The following DENND4B variants were observed in gnomAD, a reference collection of about 807,000 sequenced individuals.
DENND4B encodes the protein DENN domain-containing protein 4B.
DENND4B carries 67 observed loss-of-function variants against 161.0 expected under a neutral mutation model. The ratio of observed to expected loss-of-function variants is 0.42; its 90% CI spans 0.34 to 0.51. The LOEUF (loss-of-function observed/expected upper bound fraction) is 0.51, where lower values mean the gene tolerates loss of function less well. Ranked by LOEUF, DENND4B falls within the 20% of genes least tolerant of loss-of-function variation. The pLI, the probability that DENND4B is intolerant of heterozygous loss-of-function variation, is 0.08. For synonymous variants in DENND4B, 753 were observed against 813.8 expected, an observed-to-expected ratio of 0.93 and a Z score of 1.27; for missense variants, 1,481 against 1,968.0, an observed-to-expected ratio of 0.75 and a Z score of 4.68.
chr1:153,931,400 G>C (rs1008227524), intron 24 of DENND4B, among the ~76,000 whole-genome samples: 1 of 152,136 alleles, frequency 6.6e-6, no homozygotes, highest in South Asian at 2.1e-4. Context: ...AGGTGCTTAT[G>C]CCATTTTACA....
In DENND4B at chr1:153,933,653, G is replaced by A. The variant is rs1420000362; in HGVS notation, c.3160C>T (p.Arg1054Ter). 4 of 1,564,544 alleles carry A rather than the reference G, an allele frequency of 2.6e-6. No homozygotes were observed. The highest frequency in any genetic ancestry group is 2.6e-6 in the Non-Finnish European group (3 of 1,157,084). Residue 1054 changes from arginine to a stop codon, truncating the protein, a stop_gained, in exon 20 of 28, where the codon CGA (arginine) becomes TGA (stop). Transcript: ENST00000361217. LOFTEE classifies it high-confidence loss of function. This position sits in a 1 kb window ranked among gnomAD's most constrained non-coding sequence, Gnocchi z 5.7. ...GGRQDEAGTP[R>*]RGLGARLQQL... ...TGGAGGCGGGCACCCAGCCCTCGTC[G>A]GGGGGTGCCTGCCTCATCCTGTCGC...
chr1:153,943,992 C>T, intron 2 of DENND4B, 66 bp downstream of exon 2: 3 of 1,477,760 alleles, frequency 2.0e-6, no homozygotes, highest in Non-Finnish European at 2.7e-6. Context: ...CATAGTCCTA[C>T]CTCTCCCTGT....
rs758517326 is a variant in DENND4B at position 153,941,436 on chromosome 1, T to C, written c.1060A>G (p.Ile354Val). 9 of 1,611,680 alleles carry C rather than the reference T, an allele frequency of 5.6e-6. No individual in the cohort carries two copies. The highest frequency in any genetic ancestry group is 7.6e-6 in the Non-Finnish European group (9 of 1,179,344). ...GPHRLPLEAH[I>V]SHFIHNVPFP... ...GGAACGTTGTGAATGAAGTGGGAGA[T>C]GTGCCTGGGGGACAGAGAAACAGGT... is the stretch of plus-strand genomic sequence containing the variant. The change falls in exon 7 of 28, where the codon ATC becomes GTC. Residue 354 changes from isoleucine (I) to valine (V), a missense_variant. Physicochemically the swap from Ile to Val is conservative, Grantham distance 29. Around this residue, in one of 3 missense-constraint regions of DENND4B, gnomAD observed 806 missense variants for 1,134.4 expected, o/e 0.71. Transcript: ENST00000361217.
In DENND4B at chr1:153,936,019, T is replaced by G; in HGVS notation, c.2568+41A>C. On this transcript the variant is annotated intron_variant, in intron 17 of 27. Transcript: ENST00000361217. The surrounding 1 kb of genome is among the most constrained non-coding windows in gnomAD (Gnocchi z 4.1). ...AGCAGCAGCCTCCCCTCACACACCCTGGCACAGCTGCCATCCCACCCCTCA... is the reference window on the plus strand; with the variant it reads ...AGCAGCAGCCTCCCCTCACACACCCGGGCACAGCTGCCATCCCACCCCTCA... The G allele has an allele frequency of 1.2e-6, 2 of 1,609,012 alleles. No homozygotes were observed. The highest frequency in any genetic ancestry group is 1.7e-6 in the Non-Finnish European group (2 of 1,177,446).
Position 153,936,271 on chromosome 1 carries a change from C to T in DENND4B, c.2440-83G>A, listed in dbSNP as rs1679325470. On this transcript the variant is annotated intron_variant, in intron 16 of 27. Coordinates refer to ENST00000361217, the MANE Select transcript of DENND4B (RefSeq NM_014856.3). The surrounding 1 kb of genome is among the most constrained non-coding windows in gnomAD (Gnocchi z 4.1). ...TCAGCAAGCACCCTCTTCCTGCCTCCCCAATTCTCACAGACATCACTGGCC... is the reference window on the plus strand; with the variant it reads ...TCAGCAAGCACCCTCTTCCTGCCTCTCCAATTCTCACAGACATCACTGGCC... 4.6e-6 allele frequency: 7 copies of T among 1,514,784 alleles called. No homozygotes were observed. In the African/African-American group the frequency reaches 8.3e-5, roughly 18 times the overall value. 93.8% of individuals were successfully genotyped at this position (1,514,784 alleles called of 1,614,324 possible).
At position 153,937,305 on chromosome 1, in the gene DENND4B, A is replaced by G. The variant is rs138289713; in HGVS notation, c.2232+183T>C. Among the ~76,000 whole-genome samples the G allele has an allele frequency of 9.7e-4, 148 of 152,332 alleles. No homozygotes were observed. The highest frequency in any genetic ancestry group is 3.2e-3 in the African/African-American group (135 of 41,576). ...AGACGGAGGTGATGATGATGATGATAATGACAGTGATAATAGCAACTAATG... is the reference window on the plus strand; with the variant it reads ...AGACGGAGGTGATGATGATGATGATGATGACAGTGATAATAGCAACTAATG... On this transcript the variant is annotated intron_variant, in intron 15 of 27. Transcript: ENST00000361217. The surrounding 1 kb of genome is among the most constrained non-coding windows in gnomAD (Gnocchi z 4.7).
In DENND4B at chr1:153,934,188, C is replaced by T; in HGVS notation, c.2888G>A (p.Ser963Asn). The change falls in exon 19 of 28, where the codon AGC (serine) becomes AAC (asparagine). Residue 963 changes from serine (S) to asparagine (N), a missense_variant. By Grantham distance (46) the Ser-to-Asn change is conservative. Transcript: ENST00000361217. The surrounding 1 kb of genome is among the most constrained non-coding windows in gnomAD (Gnocchi z 5.3). Reference protein sequence around the residue: ...SPPGRLVKSGSLGSARGAQPT... With the variant: ...SPPGRLVKSGNLGSARGAQPT... ...CTGTGCCCCTCGGGCACTGCCCAGGCTACCACTCTTCACCAGGCGTCCAGG... is the reference window on the plus strand; with the variant it reads ...CTGTGCCCCTCGGGCACTGCCCAGGTTACCACTCTTCACCAGGCGTCCAGG... 1 of 1,605,196 alleles carries T rather than the reference C, an allele frequency of 6.2e-7. No homozygotes were observed.
rs1368989470 is a variant in DENND4B at position 153,930,702 on chromosome 1, G to A, written c.4270C>T (p.His1424Tyr). Residue 1424 changes from histidine (H) to tyrosine (Y), a missense_variant, in exon 26 of 28, where the codon CAC (histidine) becomes TAC (tyrosine). Transcript: ENST00000361217. This position sits in a 1 kb window ranked among gnomAD's most constrained non-coding sequence, Gnocchi z 4.7. ...ETLGPPPTGL[H>Y]LQRGIYREIL... ...ATGGTAGCACCATACCTCTGCAGGTGCAGGCCAGTGGGTGGGGGCCCTAGA... is the reference window on the plus strand; with the variant it reads ...ATGGTAGCACCATACCTCTGCAGGTACAGGCCAGTGGGTGGGGGCCCTAGA... The A allele has an allele frequency of 6.2e-7, 1 of 1,612,112 alleles. No homozygotes were observed. Among genetic ancestry groups the A allele is most frequent in the South Asian group, 1.1e-5 (1 of 90,770 alleles).
Position 153,941,901 on chromosome 1 carries a change from G to A in DENND4B, c.1023C>T (p.Ser341=), listed in dbSNP as rs775134050. ...AGGGTAGGCGGTGGGGGCCTGAGAC[G>A]GAGTAGCGGTAAAGGAAGGTGAGGA... is the stretch of plus-strand genomic sequence containing the variant. The part of the protein sequence containing the change: ...RAFLTFLYRY[S]VSGPHRLPLE... The change falls in exon 6 of 28, where the codon TCC becomes TCT. Residue 341 remains serine, a synonymous_variant. Transcript: ENST00000361217. 6.2e-6 allele frequency: 10 copies of A among 1,612,032 alleles called. No homozygotes were observed. Among genetic ancestry groups the A allele is most frequent in the Middle Eastern group, 1.9e-4 (1 of 5,228 alleles).
intron 7 of DENND4B, 30 bp from the exon 8 acceptor site, chr1:153,941,319 G>T (rs1389092329): frequency 6.2e-7 from 1 of 1,613,724 alleles, no homozygotes; most frequent in South Asian, 1.1e-5. Context: ...ACGGCTCAGG[G>T]TAATGATGCC....
Position 153,937,838 on chromosome 1 carries a change from T to A in DENND4B, c.1991A>T (p.Glu664Val). The A allele has an allele frequency of 6.2e-7, 1 of 1,613,958 alleles. No individual in the cohort carries two copies. Among genetic ancestry groups the A allele is most frequent in the Non-Finnish European group, 8.5e-7 (1 of 1,179,888 alleles). The change falls in exon 14 of 28, where the codon GAG (glutamate) becomes GTG (valine). Residue 664 changes from glutamate (E) to valine (V), a missense_variant. By Grantham distance (121) the Glu-to-Val change is moderately radical. This residue lies in a region of DENND4B where 806 missense variants were observed against 1,134.4 expected (regional missense o/e 0.71). Transcript: ENST00000361217. This position sits in a 1 kb window ranked among gnomAD's most constrained non-coding sequence, Gnocchi z 4.7. ...EKVHPEQEKP[E>V]PTPLVELEEL... is the part of the protein sequence containing the mutation. ...CTCTAGCTCCACTAAGGGTGTCGGCTCAGGCTTCTCCTGCTCTGGGTGGAC... is the reference window on the plus strand; with the variant it reads ...CTCTAGCTCCACTAAGGGTGTCGGCACAGGCTTCTCCTGCTCTGGGTGGAC...
chr1:153,937,924 GT>G lies in DENND4B; in HGVS notation c.1966-62del, dbSNP rs1273772851. On this transcript the variant is annotated intron_variant, in intron 13 of 27. Coordinates refer to ENST00000361217, the MANE Select transcript of DENND4B (RefSeq NM_014856.3). The surrounding 1 kb of genome is among the most constrained non-coding windows in gnomAD (Gnocchi z 4.7). ...GGTGGGCATGGAGCAGAGCCAGGGT[GT>G]CTAGACGATGGCATCTCCCAGGAAA... 1.2e-6 allele frequency: 2 copies of G among 1,604,024 alleles called. No individual in the cohort carries two copies. The highest frequency in any genetic ancestry group is 2.7e-5 in the African/African-American group (2 of 74,608).
At chr1:153,943,333 T>C (rs964340058) in intron 2 of DENND4B, among the ~76,000 whole-genome samples, 9 of 152,210 alleles carry the variant, frequency 5.9e-5, no homozygotes, top group African/African-American at 2.2e-4. Context: ...CCTTATTTCA[T>C]GGTCAGCAAC....
chr1:153,933,398 G>A lies in DENND4B; in HGVS notation c.3331-79C>T, dbSNP rs1290095889. ...ATATGTGTTTCAAGCACCCCTCAGA[G>A]CCCCCTTTTTGAGCATTCTTCCAGT... On this transcript the variant is annotated intron_variant, in intron 20 of 27. Coordinates refer to ENST00000361217, the MANE Select transcript of DENND4B (RefSeq NM_014856.3). This position sits in a 1 kb window ranked among gnomAD's most constrained non-coding sequence, Gnocchi z 5.7. 1 of 1,606,838 alleles carries A rather than the reference G, an allele frequency of 6.2e-7. No individual in the cohort carries two copies. The highest frequency in any genetic ancestry group is 8.5e-7 in the Non-Finnish European group (1 of 1,176,792).
In DENND4B at chr1:153,930,206, A is replaced by T; in HGVS notation, c.*91T>A. The T allele has an allele frequency of 6.8e-7, 1 of 1,467,978 alleles. No homozygotes were observed. Among genetic ancestry groups the T allele is most frequent in the South Asian group, 1.4e-5 (1 of 73,698 alleles). 90.9% of individuals were successfully genotyped at this position (1,467,978 alleles called of 1,614,324 possible). ...GGGCATCCTTCCCAGCCTGTTCCCA[A>T]CTCCATGAAGGCAACAGGGAAGCAG... On this transcript the variant is annotated 3_prime_UTR_variant, in exon 28 of 28. Coordinates refer to ENST00000361217, the MANE Select transcript of DENND4B (RefSeq NM_014856.3). This position sits in a 1 kb window ranked among gnomAD's most constrained non-coding sequence, Gnocchi z 4.7.
At position 153,938,910 on chromosome 1, in the gene DENND4B, C is replaced by T; in HGVS notation, c.1955G>A (p.Cys652Tyr). Residue 652 changes from cysteine to tyrosine, a missense_variant, in exon 13 of 28, where the codon TGT becomes TAT. Coordinates refer to ENST00000361217, the MANE Select transcript of DENND4B (RefSeq NM_014856.3). The stretch of plus-strand genomic sequence containing the variant: ...GAGAAGGGATGATACCTTTTCAACA[C>T]AAGAGTCAAAGAATTCAAGGGCAGC... ...RHAALEFFDSCVEKVHPEQEK... is the reference protein window; with the variant it reads ...RHAALEFFDSYVEKVHPEQEK... 1 of 1,588,766 alleles carries T rather than the reference C, an allele frequency of 6.3e-7. No individual in the cohort carries two copies. Among genetic ancestry groups the T allele is most frequent in the Non-Finnish European group, 8.6e-7 (1 of 1,167,342 alleles).
Position 153,934,802 on chromosome 1 carries a change from C to CCTGCTG in DENND4B, c.2725_2730dup (p.Gln909_Gln910dup), listed in dbSNP as rs3835302. ...GCCTCTTGATGTGCTGACACCTGCT[C>CCTGCTG]CTGCTGCTGCTGCTGCTGCTGCTGC... On this transcript the variant is annotated inframe_insertion, in exon 18 of 28. Coordinates refer to ENST00000361217, the MANE Select transcript of DENND4B (RefSeq NM_014856.3). This position sits in a 1 kb window ranked among gnomAD's most constrained non-coding sequence, Gnocchi z 5.3. 146 of 1,590,678 alleles carry CCTGCTG rather than the reference C, an allele frequency of 9.2e-5. No homozygotes were observed. The African/African-American group carries it at 1.5e-3, about 17-fold the overall frequency.
rs772860549 is a variant in DENND4B at position 153,933,550 on chromosome 1, G to A, written c.3263C>T (p.Pro1088Leu). 13 of 1,549,438 alleles carry A rather than the reference G, an allele frequency of 8.4e-6. No individual in the cohort carries two copies. In the South Asian group the frequency reaches 1.4e-4, roughly 16 times the overall value. ...PPELPPDLPPPARRSPMDSLL... is the reference protein window; with the variant it reads ...PPELPPDLPPLARRSPMDSLL... ...ACTGTCCATGGGGCTGCGGCGGGCT[G>A]GGGGTGGCAGGTCAGGAGGCAGCTC... The change falls in exon 20 of 28, where the codon CCA becomes CTA. Residue 1088 changes from proline to leucine, a missense_variant. By Grantham distance (98) the Pro-to-Leu change is moderately conservative (BLOSUM62 -3). Transcript: ENST00000361217. The surrounding 1 kb of genome is among the most constrained non-coding windows in gnomAD (Gnocchi z 5.7).
chr1:153,943,241 T>G, intron 2 of DENND4B, 111 bp from the exon 3 acceptor site: 2 of 1,442,098 alleles, frequency 1.4e-6, no homozygotes, highest in Non-Finnish European at 1.9e-6. Context: ...ACCCACAGCC[T>G]TGTCAAACTC....
Sources: allele counts gnomAD v4.1 joint callset (sites outside exome capture counted in the v4.1 genomes callset), GRCh38; gene constraint gnomAD v4.1.1; regional missense constraint gnomAD v4.1.1; non-coding constraint Gnocchi (gnomAD v3.1); transcripts MANE v1.5; gene names NCBI Gene and HGNC (gene_info 2026-07-23, HGNC 2026-07-21).